RALYL: variants seen among roughly 807,000 people sequenced by gnomAD.
RALYL encodes RNA-binding Raly-like protein.
Under a neutral mutation model 35.1 loss-of-function variants are expected in RALYL, and 29 were observed. The observed-to-expected ratio is 0.83, with a 90% CI of 0.61 to 1.13. The LOEUF (loss-of-function observed/expected upper bound fraction) is 1.13. RALYL is among the 50% of genes most tolerant of loss of function. RALYL has a pLI of 0.00. For missense variants in RALYL, 359 were observed against 360.4 expected (o/e 1.00, Z 0.03); for synonymous variants, 120 against 127.6 (o/e 0.94, Z 0.40).
intron 1 of RALYL, among the ~76,000 whole-genome samples, chr8:84,199,009 C>G (rs1586109172): frequency 6.6e-6 from 1 of 152,090 alleles, no homozygotes; most frequent in East Asian, 1.9e-4. Context: ...GGTATATACT[C>G]CAGAGTGGGA....
At chr8:84,749,840 C>T (rs1809528540) in intron 2 of RALYL, among the ~76,000 whole-genome samples, 1 of 152,166 alleles carries the variant, frequency 6.6e-6, no homozygotes, top group South Asian at 2.1e-4. Context: ...AGAAGTCCAA[C>T]ATTCATTGTA....
At chr8:84,348,622 G>T (rs944100812) in intron 1 of RALYL, among the ~76,000 whole-genome samples, 16 of 152,020 alleles carry the variant, frequency 1.1e-4, no homozygotes, top group African/African-American at 3.9e-4. Context: ...TTTATCGACC[G>T]TAAACATTTT....
chr8:84,687,198 A>G (rs1266725620), intron 2 of RALYL, among the ~76,000 whole-genome samples: 6 of 152,160 alleles, frequency 3.9e-5, no homozygotes, highest in East Asian at 1.9e-4. Context: ...ACAAAATACA[A>G]AATGTATTCT....
intron 2 of RALYL, among the ~76,000 whole-genome samples, chr8:84,579,513 C>T (rs1810343936): frequency 1.3e-5 from 2 of 152,186 alleles, no homozygotes; most frequent in Admixed American, 1.3e-4. Context: ...GCAACCCTGG[C>T]TGTGCCTCCT....
intron 1 of RALYL, among the ~76,000 whole-genome samples, chr8:84,425,867 G>T (rs2046371274): frequency 6.6e-6 from 1 of 151,324 alleles, no homozygotes; most frequent in Non-Finnish European, 1.5e-5. Flanking sequence ...AACTTGAGGT[G>T]AGAATTTAAC....
chr8:84,349,206 G>A (rs574604427), intron 1 of RALYL, among the ~76,000 whole-genome samples: 1 of 150,270 alleles, frequency 6.7e-6, no homozygotes, highest in East Asian at 1.9e-4. Flanking sequence ...AGTTTATTTG[G>A]CTAGGATTCC....
intron 1 of RALYL, among the ~76,000 whole-genome samples, chr8:84,295,829 A>T (rs1156261333): frequency 6.6e-6 from 1 of 152,078 alleles, no homozygotes; most frequent in Admixed American, 6.6e-5. Flanking sequence ...CTCTACAAAT[A>T]CTGTTTATTC....
At chr8:84,688,266 T>C (rs1837253558) in intron 2 of RALYL, among the ~76,000 whole-genome samples, 1 of 152,042 alleles carries the variant, frequency 6.6e-6, no homozygotes, top group African/African-American at 2.4e-5. Context: ...TCTAGAATGT[T>C]AGGTGACAAA....
intron 5 of RALYL, among the ~76,000 whole-genome samples, chr8:84,857,692 ATGTT>A (rs574619038): frequency 1.5e-3 from 232 of 152,304 alleles, no homozygotes; most frequent in Non-Finnish European, 2.8e-3. Context: ...GGCCTGAGAA[ATGTT>A]TGTTTTTAAT....
intron 2 of RALYL, among the ~76,000 whole-genome samples, chr8:84,727,010 A>G (rs1845091699): frequency 6.6e-6 from 1 of 152,100 alleles, no homozygotes; most frequent in Non-Finnish European, 1.5e-5. Flanking sequence ...AGTGGAGAAT[A>G]AAGTATAGAA....
At chr8:84,340,238 A>G (rs1031464637) in intron 1 of RALYL, among the ~76,000 whole-genome samples, 2 of 152,126 alleles carry the variant, frequency 1.3e-5, no homozygotes, top group African/African-American at 4.8e-5. Flanking sequence ...GGACTAATAC[A>G]TCAGGTCTTT....
intron 1 of RALYL, among the ~76,000 whole-genome samples, chr8:84,448,412 C>T (rs920248653): frequency 3.9e-5 from 6 of 151,916 alleles, no homozygotes; most frequent in Admixed American, 2.0e-4. Flanking sequence ...TTTGATAACT[C>T]GTTAAAAATA....
intron 2 of RALYL, among the ~76,000 whole-genome samples, chr8:84,695,085 T>C (rs1838866681): frequency 1.3e-5 from 2 of 151,792 alleles, no homozygotes; most frequent in Admixed American, 1.3e-4. Context: ...CAGAAATGCC[T>C]TGATTTGGTA....
intron 1 of RALYL, among the ~76,000 whole-genome samples, chr8:84,271,130 A>G (rs1342963839): frequency 6.6e-6 from 1 of 152,036 alleles, no homozygotes; most frequent in Non-Finnish European, 1.5e-5. Context: ...AGTGAAATGA[A>G]ACATTTTCAA....
At chr8:84,291,334 G>T (rs551041068) in intron 1 of RALYL, among the ~76,000 whole-genome samples, 2 of 152,236 alleles carry the variant, frequency 1.3e-5, no homozygotes, top group East Asian at 3.9e-4. Flanking sequence ...ATAGGATCTG[G>T]CACATAATGC....
At chr8:84,528,828 T>A (rs1374528054) in intron 1 of RALYL, among the ~76,000 whole-genome samples, 1 of 152,156 alleles carries the variant, frequency 6.6e-6, no homozygotes, top group East Asian at 1.9e-4. Context: ...GGTTCTGATG[T>A]TGAAATAGAC....
intron 2 of RALYL, among the ~76,000 whole-genome samples, chr8:84,695,142 G>A (rs1158345973): frequency 6.6e-6 from 1 of 151,558 alleles, no homozygotes; most frequent in African/African-American, 2.4e-5. Context: ...AAGCCATATT[G>A]ATTAATCACT....
At chr8:84,265,544 T>C (rs1833123754) in intron 1 of RALYL, among the ~76,000 whole-genome samples, 1 of 152,160 alleles carries the variant, frequency 6.6e-6, no homozygotes, top group Non-Finnish European at 1.5e-5. Flanking sequence ...ATCCTACCAG[T>C]AACCTGATGA....
chr8:84,781,754 A>G (rs548724533), intron 3 of RALYL, among the ~76,000 whole-genome samples: 4 of 152,312 alleles, frequency 2.6e-5, no homozygotes, highest in South Asian at 4.1e-4. Flanking sequence ...ATTTAATTAT[A>G]CTAATAAAAC....
Sources: gnomAD v4.1 joint callset for allele counts (sites outside exome capture counted in the v4.1 genomes callset) on GRCh38, gnomAD v4.1.1 for gene constraint, MANE v1.5 for transcripts, NCBI Gene and HGNC (gene_info 2026-07-23, HGNC 2026-07-21) for gene names.